AKAP13: variants seen among roughly 807,000 people sequenced by gnomAD.
The protein encoded by AKAP13 is A-kinase anchor protein 13.
In AKAP13, 80 loss-of-function variants were observed where a neutral mutation model predicts 264.5. The ratio of observed to expected loss-of-function variants is 0.30; its 90% confidence interval spans 0.25 to 0.36. The LOEUF (loss-of-function observed/expected upper bound fraction) is 0.36. AKAP13 is among the 10% of genes least tolerant of loss of function. The probability of loss-of-function intolerance (pLI) is 1.00; values close to 1 mark genes in which losing one functional copy is unlikely to be tolerated. For synonymous variants in AKAP13, 1,380 were observed against 1,250.2 expected (o/e 1.10, Z -2.19); for missense variants, 3,712 against 3,435.2 (o/e 1.08, Z -2.01).
intron 16 of AKAP13, 66 bp downstream of exon 16, chr15:85,684,939 A>T: frequency 2.0e-6 from 3 of 1,523,280 alleles, no homozygotes; most frequent in Non-Finnish European, 2.7e-6. Flanking sequence ...CTGCATTCAC[A>T]CCAAAACTGG....
intron 3 of AKAP13, among the ~76,000 whole-genome samples, chr15:85,522,513 TAGGA>T (rs1004141252): frequency 2.6e-5 from 4 of 152,112 alleles, no homozygotes; most frequent in Non-Finnish European, 5.9e-5. Flanking sequence ...GTCCTTAAAT[TAGGA>T]TGGGCAGCAG....
At position 85,728,567 on chromosome 15, in the gene AKAP13, G is replaced by T. The variant is rs1050221031; in HGVS notation, c.7087+1104G>T. On this transcript the variant is annotated intron_variant, in intron 29 of 36. Transcript: ENST00000394518. ...CAGGGGAGACATACATCAATGATGG[G>T]CCACACAGTGATTTATTAGACCACA... is the stretch of plus-strand genomic sequence containing the variant. Among the ~76,000 whole-genome samples, 5 of 152,202 alleles carry T rather than the reference G, an allele frequency of 3.3e-5. No individual in the cohort carries two copies. The South Asian group carries it at 1.0e-3, about 32-fold the overall frequency.
intron 8 of AKAP13, among the ~76,000 whole-genome samples, chr15:85,615,926 T>C (rs2080915120): frequency 6.6e-6 from 1 of 152,148 alleles, no homozygotes; most frequent in African/African-American, 2.4e-5. Flanking sequence ...CAAACTAGTA[T>C]CTCCCAAGTT....
At chr15:85,656,528 G>C (rs561416502) in intron 11 of AKAP13, among the ~76,000 whole-genome samples, 2 of 152,160 alleles carry the variant, frequency 1.3e-5, no homozygotes, top group Admixed American at 6.5e-5. Flanking sequence ...CTCCCTGCAA[G>C]CTCTGCCTCC....
At chr15:85,592,992 A>G (rs1410178891) in intron 8 of AKAP13, among the ~76,000 whole-genome samples, 1 of 152,182 alleles carries the variant, frequency 6.6e-6, no homozygotes, top group African/African-American at 2.4e-5. Context: ...AGTTTCTTCC[A>G]GCTCTTAATT....
At chr15:85,411,758 A>G (rs937423582) in intron 1 of AKAP13, among the ~76,000 whole-genome samples, 4 of 152,162 alleles carry the variant, frequency 2.6e-5, no homozygotes, top group Admixed American at 2.6e-4. Flanking sequence ...TTTTTAAATG[A>G]AACTCCATTT....
Position 85,630,250 on chromosome 15 carries a change from C to CACACACACACAA in AKAP13, c.4162-9113_4162-9112insAACACACACACA, listed in dbSNP as rs1474888187. Among the ~76,000 whole-genome samples, 421 of 150,940 alleles carry CACACACACACAA rather than the reference C, an allele frequency of 2.8e-3. 2 individuals carry two copies. Among genetic ancestry groups the CACACACACACAA allele is most frequent in the South Asian group, 5.5e-3 (26 of 4,734 alleles). ...GAAAATTGTAACACACACACACACA[C>CACACACACACAA]ACACACACACACACACAAACACAAT... On this transcript the variant is annotated intron_variant, in intron 8 of 36. Coordinates refer to ENST00000394518, the MANE Select transcript of AKAP13 (RefSeq NM_007200.5).
At chr15:85,589,820 A>G (rs1394012187) in intron 8 of AKAP13, among the ~76,000 whole-genome samples, 1 of 151,876 alleles carries the variant, frequency 6.6e-6, no homozygotes, top group Non-Finnish European at 1.5e-5. Context: ...ATACTTGTGC[A>G]CCAGTGGAAG....
intron 12 of AKAP13, among the ~76,000 whole-genome samples, chr15:85,663,597 G>A (rs907210646): frequency 2.6e-5 from 4 of 152,188 alleles, no homozygotes; most frequent in Admixed American, 6.5e-5. Flanking sequence ...AGTAGCTTCA[G>A]TATACCTTCA....
chr15:85,641,055 T>C (rs1212212215), intron 9 of AKAP13, among the ~76,000 whole-genome samples: 1 of 152,208 alleles, frequency 6.6e-6, no homozygotes, highest in Non-Finnish European at 1.5e-5. Flanking sequence ...ATTTTAGGCA[T>C]AGTGTTTTTG....
intron 8 of AKAP13, among the ~76,000 whole-genome samples, chr15:85,604,915 C>T: frequency 6.6e-6 from 1 of 152,156 alleles, no homozygotes; most frequent in East Asian, 1.9e-4. Flanking sequence ...CTCTTGAATA[C>T]CACTGATGTT....
At chr15:85,395,587 G>C (rs983107379) in intron 1 of AKAP13, among the ~76,000 whole-genome samples, 1 of 152,150 alleles carries the variant, frequency 6.6e-6, no homozygotes, top group Non-Finnish European at 1.5e-5. Flanking sequence ...TGAAGGCAGT[G>C]TTTATTTATC....
chr15:85,486,614 T>C (rs1299402260), intron 2 of AKAP13, among the ~76,000 whole-genome samples: 1 of 152,218 alleles, frequency 6.6e-6, no homozygotes, highest in Non-Finnish European at 1.5e-5. Flanking sequence ...TAGGTTGTTT[T>C]TGATTTCTTT....
chr15:85,516,687 C>T (rs1396216773), intron 2 of AKAP13, among the ~76,000 whole-genome samples: 1 of 152,152 alleles, frequency 6.6e-6, no homozygotes, highest in African/African-American at 2.4e-5. Flanking sequence ...GACCTGTTCT[C>T]AGTGGTGTGC....
intron 1 of AKAP13, among the ~76,000 whole-genome samples, chr15:85,476,412 G>C (rs2075165562): frequency 6.6e-6 from 1 of 152,194 alleles, no homozygotes; most frequent in South Asian, 2.1e-4. Flanking sequence ...CAGTGATGAG[G>C]ATGTCCTGAG....
In AKAP13 at chr15:85,747,814, G is replaced by A. The variant is rs1346543072; in HGVS notation, c.*3137G>A. ...TACCAAGGTTTTTTTGGAAAGGTAC[G>A]AATCTTAACTTTTTTCCCCTTCTGT... is the stretch of plus-strand genomic sequence containing the variant. On this transcript the variant is annotated 3_prime_UTR_variant, in exon 37 of 37. Coordinates refer to ENST00000394518, the MANE Select transcript of AKAP13 (RefSeq NM_007200.5). 2.6e-5 allele frequency: 4 copies of A among 152,970 alleles called. No homozygotes were observed. The highest frequency in any genetic ancestry group is 1.9e-4 in the East Asian group (1 of 5,194). 9.5% of individuals were successfully genotyped at this position (152,970 alleles called of 1,614,324 possible).
chr15:85,520,643 G>A (rs1199523973), intron 2 of AKAP13: 2 of 518,748 alleles, frequency 3.9e-6, no homozygotes, highest in African/African-American at 1.9e-5. Flanking sequence ...AGAAGAGTAG[G>A]AATGTCAGAT....
intron 1 of AKAP13, among the ~76,000 whole-genome samples, chr15:85,403,739 G>C (rs1246407291): frequency 1.3e-5 from 2 of 151,730 alleles, no homozygotes; most frequent in Non-Finnish European, 2.9e-5. Flanking sequence ...TACTTGGAAG[G>C]CTGAGGCAGG....
intron 14 of AKAP13, chr15:85,677,052 T>G (rs2084265972): frequency 1.0e-6 from 1 of 985,318 alleles, no homozygotes; most frequent in Non-Finnish European, 1.2e-6. Flanking sequence ...AAACTCTCTT[T>G]TCTCTTGGCT....
Sources: allele counts gnomAD v4.1 joint callset (sites outside exome capture counted in the v4.1 genomes callset), GRCh38; gene constraint gnomAD v4.1.1; transcripts MANE v1.5; gene names NCBI Gene and HGNC (gene_info 2026-07-23, HGNC 2026-07-21).